The following QTGAL variants were observed in gnomAD, a reference collection of about 807,000 sequenced individuals.
QTGAL encodes queuosine-tRNA galactosyltransferase.
the QTGAL span, among the ~76,000 whole-genome samples, chr17:83,023,746 T>C: frequency 6.6e-6 from 1 of 152,148 alleles, no homozygotes; most frequent in Non-Finnish European, 1.5e-5. Flanking sequence ...CCAGATCTCC[T>C]TCCTTCCACC....
the QTGAL span, among the ~76,000 whole-genome samples, chr17:82,950,236 T>C: frequency 6.6e-6 from 1 of 152,214 alleles, no homozygotes; most frequent in Non-Finnish European, 1.5e-5. Flanking sequence ...GGAACCTCTT[T>C]TCCCATGCTC....
the QTGAL span, among the ~76,000 whole-genome samples, chr17:83,042,404 TAA>T: frequency 0.15 from 22,822 of 152,220 alleles, 1,787 homozygotes; most frequent in African/African-American, 0.21. Flanking sequence ...ATTATAAATC[TAA>T]ATCTACATTC....
At chr17:83,006,008 G>A in the QTGAL span, 3 of 1,068,656 alleles carry the variant, frequency 2.8e-6, no homozygotes, top group Non-Finnish European at 3.4e-6. This position sits in a 1 kb window ranked among gnomAD's most constrained non-coding sequence, Gnocchi z 5.8. Flanking sequence ...TGGCTGGAGA[G>A]AGGGCACCTG....
chr17:82,962,400 T>C, the QTGAL span, among the ~76,000 whole-genome samples: 1 of 152,246 alleles, frequency 6.6e-6, no homozygotes, highest in Admixed American at 6.5e-5. Context: ...TTATCCACCA[T>C]AAGATAAAGA....
chr17:82,966,125 C>T, the QTGAL span, among the ~76,000 whole-genome samples: 2 of 149,458 alleles, frequency 1.3e-5, no homozygotes, highest in Non-Finnish European at 3.0e-5. Flanking sequence ...CTCTGTTGCT[C>T]AGGCTGACCT....
At chr17:83,006,780 T>C in the QTGAL span, 1 of 985,406 alleles carries the variant, frequency 1.0e-6, no homozygotes, top group African/African-American at 1.7e-5. The surrounding 1 kb of genome is among the most constrained non-coding windows in gnomAD (Gnocchi z 5.8). Context: ...GGTCCTGTGC[T>C]GGCGATCCCG....
the QTGAL span, among the ~76,000 whole-genome samples, chr17:82,990,139 G>A: frequency 6.6e-6 from 1 of 152,194 alleles, no homozygotes; most frequent in Non-Finnish European, 1.5e-5. Context: ...CTTCTGTGTT[G>A]TTCTGGGTAC....
chr17:83,051,258 C>A, the QTGAL span, among the ~76,000 whole-genome samples: 1 of 48,674 alleles, frequency 2.1e-5, no homozygotes, highest in Non-Finnish European at 4.0e-5. Context: ...GTGTGAGGTG[C>A]GGGGGCAGGT....
At chr17:82,944,140 T>G in the QTGAL span, 1 of 152,262 alleles carries the variant, frequency 6.6e-6, no homozygotes, top group Non-Finnish European at 1.5e-5. Flanking sequence ...AATGGCATTT[T>G]AAGACATGGA....
the QTGAL span, among the ~76,000 whole-genome samples, chr17:83,041,788 A>G: frequency 6.6e-6 from 1 of 152,256 alleles, no homozygotes; most frequent in African/African-American, 2.4e-5. Context: ...AAGTTGAACT[A>G]TCACAGGCTG....
the QTGAL span, among the ~76,000 whole-genome samples, chr17:82,997,442 T>TA: frequency 6.6e-6 from 1 of 152,192 alleles, no homozygotes; most frequent in Non-Finnish European, 1.5e-5. Context: ...GGTGGGAATG[T>TA]AAATTAGTAC....
the QTGAL span, among the ~76,000 whole-genome samples, chr17:82,954,413 C>T: frequency 6.6e-6 from 1 of 151,862 alleles, no homozygotes; most frequent in Non-Finnish European, 1.5e-5. Context: ...AAATAAAATA[C>T]CTAGGAATAC....
chr17:82,953,275 T>A, the QTGAL span, among the ~76,000 whole-genome samples: 1 of 151,680 alleles, frequency 6.6e-6, no homozygotes, highest in Non-Finnish European at 1.5e-5. Context: ...AATAGACCAC[T>A]AGCCAGGCAA....
At chr17:82,989,083 A>G in the QTGAL span, among the ~76,000 whole-genome samples, 24 of 152,204 alleles carry the variant, frequency 1.6e-4, no homozygotes, top group Admixed American at 1.6e-3. Context: ...TCACAATAGC[A>G]AAGACATGTA....
the QTGAL span, among the ~76,000 whole-genome samples, chr17:82,976,920 G>A: frequency 1.4e-4 from 11 of 77,208 alleles, 4 homozygotes; most frequent in African/African-American, 1.8e-4. Context: ...TCCTCCCAGG[G>A]GCTGGAGGCC....
At chr17:83,050,202 C>T in the QTGAL span, among the ~76,000 whole-genome samples, 2 of 152,066 alleles carry the variant, frequency 1.3e-5, no homozygotes, top group African/African-American at 4.8e-5. Flanking sequence ...GAAACCCCGT[C>T]CCTACTAAAA....
At chr17:82,985,106 C>T in the QTGAL span, among the ~76,000 whole-genome samples, 1 of 152,228 alleles carries the variant, frequency 6.6e-6, no homozygotes, top group South Asian at 2.1e-4. Flanking sequence ...GACAGGGGCG[C>T]TTTCAGGCAG....
chr17:83,006,325 G>T, the QTGAL span: 15 of 985,498 alleles, frequency 1.5e-5, no homozygotes, highest in Non-Finnish European at 1.7e-5. The surrounding 1 kb of genome is among the most constrained non-coding windows in gnomAD (Gnocchi z 5.8). Flanking sequence ...TACCAATGCA[G>T]TTAATGACGT....
At chr17:83,010,844 T>C in the QTGAL span, among the ~76,000 whole-genome samples, 13 of 152,154 alleles carry the variant, frequency 8.5e-5, no homozygotes, top group Non-Finnish European at 1.8e-4. Flanking sequence ...AGGCAAGCTG[T>C]GGCCCAGGCT....
Sources: gnomAD v4.1 joint callset for allele counts (sites outside exome capture counted in the v4.1 genomes callset) on GRCh38, gnomAD v4.1.1 for gene constraint, Gnocchi (gnomAD v3.1) non-coding constraint, MANE v1.5 for transcripts, NCBI Gene and HGNC (gene_info 2026-07-23, HGNC 2026-07-21) for gene names.